The following FOXN3 variants were observed in gnomAD, a reference collection of about 807,000 sequenced individuals.
The protein encoded by FOXN3 is forkhead box N3.
A neutral mutation model predicts 38.4 loss-of-function variants in FOXN3; 7 were observed. The ratio of observed to expected loss-of-function variants is 0.18; its 90% CI spans 0.10 to 0.34. FOXN3 has a LOEUF of 0.34. Among genes scored for constraint, FOXN3 ranks in the 10% least tolerant of loss-of-function variants. FOXN3 has a pLI of 1.00. For synonymous variants in FOXN3, 230 were observed against 242.2 expected (o/e 0.95, Z 0.47); for missense variants, 456 against 613.4 (o/e 0.74, Z 2.71).
In FOXN3 at chr14:89,548,144, C is replaced by T. The variant is rs1473975668; in HGVS notation, c.-15+70884G>A. Reference sequence around the variant, plus strand: ...AATATCTATGTGTTTTTAAACACAGCTTTGGGACAAGAAACACCCCATTCA... The same window carrying T: ...AATATCTATGTGTTTTTAAACACAGTTTTGGGACAAGAAACACCCCATTCA... On this transcript the variant is annotated intron_variant, in intron 1 of 6. Transcript: ENST00000345097. This position sits in a 1 kb window ranked among gnomAD's most constrained non-coding sequence, Gnocchi z 4.8. 6.6e-6 allele frequency among the ~76,000 whole-genome samples: 1 copy of T among 152,162 alleles called. No homozygotes were observed. Among genetic ancestry groups the T allele is most frequent in the Non-Finnish European group, 1.5e-5 (1 of 68,026 alleles).
At chr14:89,449,641 C>T (rs1047390092) in intron 1 of FOXN3, among the ~76,000 whole-genome samples, 7 of 152,194 alleles carry the variant, frequency 4.6e-5, no homozygotes, top group African/African-American at 1.2e-4. Flanking sequence ...GGAATTACCA[C>T]GTTTTTGGGG....
At chr14:89,288,575 G>C (rs1438035615) in intron 3 of FOXN3, among the ~76,000 whole-genome samples, 1 of 149,506 alleles carries the variant, frequency 6.7e-6, no homozygotes, top group Non-Finnish European at 1.5e-5. Flanking sequence ...CAAAACCTTG[G>C]TATGTGAGCA....
intron 4 of FOXN3, among the ~76,000 whole-genome samples, chr14:89,225,363 G>C (rs1450428398): frequency 6.6e-6 from 1 of 151,780 alleles, no homozygotes; most frequent in Non-Finnish European, 1.5e-5. Flanking sequence ...CCAGCACTTT[G>C]GGAGGCTGAG....
At chr14:89,445,365 G>C (rs1441021000) in intron 1 of FOXN3, among the ~76,000 whole-genome samples, 3 of 152,194 alleles carry the variant, frequency 2.0e-5, no homozygotes, top group Non-Finnish European at 4.4e-5. Context: ...TGGAGCTGCT[G>C]TCATTTTGTT....
At chr14:89,453,383 T>C (rs1318901536) in intron 1 of FOXN3, among the ~76,000 whole-genome samples, 8 of 151,358 alleles carry the variant, frequency 5.3e-5, no homozygotes, top group Non-Finnish European at 1.2e-4. Context: ...GGTGAAACCC[T>C]GTCTCTACTA....
At chr14:89,457,001 G>T (rs1484682082) in intron 1 of FOXN3, among the ~76,000 whole-genome samples, 2 of 152,216 alleles carry the variant, frequency 1.3e-5, no homozygotes, top group African/African-American at 4.8e-5. Context: ...CAAATGGGAA[G>T]TAAATTTGTA....
chr14:89,282,022 C>T (rs1186320305), intron 3 of FOXN3, among the ~76,000 whole-genome samples: 1 of 152,128 alleles, frequency 6.6e-6, no homozygotes, highest in Non-Finnish European at 1.5e-5. Context: ...AATGCTTCAC[C>T]ATTAAACCAG....
At position 89,340,363 on chromosome 14, in the gene FOXN3, T is replaced by A. The variant is rs144446738; in HGVS notation, c.680+10309A>T. ...ACTTGGACTATGGTGATTAAGCAAC[T>A]CAATTTGAGAAGATAAGGATTTTTT... On this transcript the variant is annotated intron_variant, in intron 3 of 5. Coordinates refer to ENST00000557258, the MANE Select transcript of FOXN3 (RefSeq NM_005197.4). 7.2e-5 allele frequency among the ~76,000 whole-genome samples: 11 copies of A among 152,296 alleles called. No individual in the cohort carries two copies. In the East Asian group the frequency reaches 1.9e-3, roughly 27 times the overall value.
intron 4 of FOXN3, among the ~76,000 whole-genome samples, chr14:89,255,737 G>A (rs921503313): frequency 9.2e-5 from 14 of 152,206 alleles, no homozygotes; most frequent in East Asian, 1.9e-4. Flanking sequence ...CATTCTAAGC[G>A]GACTCCAACT....
intron 5 of FOXN3, among the ~76,000 whole-genome samples, chr14:89,177,374 C>T (rs1257079189): frequency 1.3e-5 from 2 of 152,226 alleles, no homozygotes; most frequent in Non-Finnish European, 2.9e-5. Context: ...TATGGTTTCA[C>T]ATTTTACCAA....
intron 4 of FOXN3, among the ~76,000 whole-genome samples, chr14:89,224,912 C>A (rs553512629): frequency 6.6e-6 from 1 of 151,890 alleles, no homozygotes; most frequent in African/African-American, 2.4e-5. Flanking sequence ...GGGCGGATCA[C>A]GAGGTCAGGA....
chr14:89,488,833 G>A (rs1437645159), intron 1 of FOXN3, among the ~76,000 whole-genome samples: 5 of 152,100 alleles, frequency 3.3e-5, no homozygotes, highest in Non-Finnish European at 7.4e-5. Flanking sequence ...ATGTTACCAC[G>A]CCTCGACAGC....
intron 1 of FOXN3, among the ~76,000 whole-genome samples, chr14:89,614,890 T>C (rs1896462579): frequency 6.6e-6 from 1 of 152,228 alleles, no homozygotes; most frequent in South Asian, 2.1e-4. Context: ...CTCACCAGGC[T>C]GCTCTCTGCA....
At chr14:89,444,204 A>C (rs1046603700) in intron 1 of FOXN3, among the ~76,000 whole-genome samples, 8 of 151,948 alleles carry the variant, frequency 5.3e-5, no homozygotes, top group Admixed American at 3.3e-4. Context: ...TATAACATGA[A>C]TCTGAAGAAA....
At chr14:89,182,254 T>C (rs1007565425) in intron 4 of FOXN3, among the ~76,000 whole-genome samples, 2 of 152,258 alleles carry the variant, frequency 1.3e-5, no homozygotes, top group African/African-American at 4.8e-5. Flanking sequence ...TCAAACATCA[T>C]GTAGGATGAA....
In FOXN3 at chr14:89,539,045, C is replaced by T. The variant is rs1254801674; in HGVS notation, c.-15+79983G>A. Reference sequence around the variant, plus strand: ...TTTTAGTAGAGATAGGGTTTTACCACGTTGGCCAGGCTGGTCTCGAACTCC... The same window carrying T: ...TTTTAGTAGAGATAGGGTTTTACCATGTTGGCCAGGCTGGTCTCGAACTCC... On this transcript the variant is annotated intron_variant, in intron 1 of 6. Coordinates refer to the FOXN3 transcript ENST00000345097. Among the ~76,000 whole-genome samples, 5 of 151,618 alleles carry T rather than the reference C, an allele frequency of 3.3e-5. No homozygotes were observed. In the South Asian group the frequency reaches 6.3e-4, roughly 19 times the overall value.
chr14:89,594,871 CAA>C (rs1333569639), intron 1 of FOXN3, among the ~76,000 whole-genome samples: 1 of 146,174 alleles, frequency 6.8e-6, no homozygotes, highest in African/African-American at 2.5e-5. Flanking sequence ...GACTCTGTGT[CAA>C]AAAAAAAAGT....
intron 1 of FOXN3, among the ~76,000 whole-genome samples, chr14:89,614,154 A>T (rs957361083): frequency 6.6e-6 from 1 of 152,240 alleles, no homozygotes; most frequent in Non-Finnish European, 1.5e-5. Flanking sequence ...TGAGTCTGCC[A>T]AGCAGATTTA....
intron 4 of FOXN3, among the ~76,000 whole-genome samples, chr14:89,185,088 G>T (rs1887769300): frequency 6.6e-6 from 1 of 152,196 alleles, no homozygotes; most frequent in Admixed American, 6.5e-5. Flanking sequence ...TGTAGACTCA[G>T]CTCTTCCTCT....
Sources: gnomAD v4.1 joint callset for allele counts (sites outside exome capture counted in the v4.1 genomes callset) on GRCh38, gnomAD v4.1.1 for gene constraint, Gnocchi (gnomAD v3.1) non-coding constraint, MANE v1.5 for transcripts, NCBI Gene and HGNC (gene_info 2026-07-23, HGNC 2026-07-21) for gene names.